Variants in ADGRL3 observed in about 807,000 individuals in gnomAD.
ADGRL3 encodes calcium-independent alpha-latrotoxin receptor 3.
Under a neutral mutation model 153.5 loss-of-function variants are expected in ADGRL3, and 62 were observed. The observed-to-expected ratio is 0.40, with a 90% confidence interval of 0.33 to 0.50. ADGRL3 has a LOEUF of 0.50. ADGRL3 is among the 20% of genes least tolerant of loss of function. The probability of loss-of-function intolerance (pLI) is 0.47; values close to 1 mark genes in which losing one functional copy is unlikely to be tolerated. For missense variants in ADGRL3, 1,641 were observed against 1,859.4 expected (o/e 0.88, Z 2.16); for synonymous variants, 710 against 672.5 (o/e 1.06, Z -0.86).
At chr4:61,603,232 C>G (rs537745288) in intron 5 of ADGRL3, among the ~76,000 whole-genome samples, 1 of 152,066 alleles carries the variant, frequency 6.6e-6, no homozygotes, top group East Asian at 1.9e-4. Context: ...GAGGCATTAC[C>G]AACACTCCAG....
chr4:61,289,014 T>C (rs2094059307), intron 1 of ADGRL3, among the ~76,000 whole-genome samples: 1 of 151,938 alleles, frequency 6.6e-6, no homozygotes, highest in South Asian at 2.1e-4. Flanking sequence ...ATACATATAT[T>C]TATATATACA....
intron 1 of ADGRL3, among the ~76,000 whole-genome samples, chr4:61,257,784 G>C (rs1249048743): frequency 6.6e-6 from 1 of 151,952 alleles, no homozygotes; most frequent in Non-Finnish European, 1.5e-5. Context: ...ACTTATTAAA[G>C]ATTATTTCAC....
At chr4:61,211,997 G>A (rs769734248) in intron 1 of ADGRL3, 1 of 152,132 alleles carries the variant, frequency 6.6e-6, no homozygotes, top group Non-Finnish European at 1.5e-5. Flanking sequence ...AATATAGACC[G>A]TCTAGGCATT....
At chr4:61,589,762 T>C (rs72614741) in intron 5 of ADGRL3, among the ~76,000 whole-genome samples, 5,589 of 152,116 alleles carry the variant, frequency 0.037, 245 homozygotes, top group East Asian at 0.25. Context: ...AGGAGAGATA[T>C]GAAATGTCAT....
chr4:61,748,800 GC>G (rs2096710187), intron 8 of ADGRL3, among the ~76,000 whole-genome samples: 1 of 151,814 alleles, frequency 6.6e-6, no homozygotes, highest in South Asian at 2.1e-4. Flanking sequence ...ATAGGCATGG[GC>G]AAGGACTTCA....
At chr4:61,686,414 T>G in intron 6 of ADGRL3, among the ~76,000 whole-genome samples, 1 of 152,142 alleles carries the variant, frequency 6.6e-6, no homozygotes, top group East Asian at 1.9e-4. Flanking sequence ...GATTTTCTTC[T>G]ACTCCAATCA....
intron 5 of ADGRL3, among the ~76,000 whole-genome samples, chr4:61,668,300 A>G (rs1222698099): frequency 6.6e-6 from 1 of 152,192 alleles, no homozygotes; most frequent in African/African-American, 2.4e-5. Context: ...AAAAGGAAAG[A>G]AACAGATTTT....
At chr4:61,579,738 A>G (rs1179888766) in intron 4 of ADGRL3, 1 of 338,916 alleles carries the variant, frequency 3.0e-6, no homozygotes, top group African/African-American at 2.2e-5. Context: ...TGACCTCAGA[A>G]CATAGTTGTC....
chr4:62,044,617 C>T lies in ADGRL3; in HGVS notation c.3814+68C>T, dbSNP rs1730123152. 19 of 1,059,550 alleles carry T rather than the reference C, an allele frequency of 1.8e-5. No homozygotes were observed. In the South Asian group the frequency reaches 1.9e-4, roughly 11 times the overall value. 65.6% of individuals were successfully genotyped at this position (1,059,550 alleles called of 1,614,324 possible). The stretch of plus-strand genomic sequence containing the variant: ...CTTTAAGAAGTCCTTAAATTCATTG[C>T]TTTATTTGCAACTTCTGAACCTGTT... On this transcript the variant is annotated intron_variant, in intron 25 of 26. Coordinates refer to ENST00000683033, the MANE Select transcript of ADGRL3 (RefSeq NM_001387552.1).
intron 8 of ADGRL3, among the ~76,000 whole-genome samples, chr4:61,757,884 T>C (rs2096857173): frequency 6.6e-6 from 1 of 152,210 alleles, no homozygotes; most frequent in Admixed American, 6.5e-5. Flanking sequence ...ATGTACCCAG[T>C]AGTCATTCAG....
intron 25 of ADGRL3, among the ~76,000 whole-genome samples, chr4:62,060,542 T>C (rs1739506255): frequency 6.6e-6 from 1 of 152,082 alleles, no homozygotes; most frequent in South Asian, 2.1e-4. Context: ...TTAGAAATTA[T>C]TTGTATGAAA....
chr4:61,687,178 A>T (rs1468576814), intron 6 of ADGRL3, among the ~76,000 whole-genome samples: 2 of 152,004 alleles, frequency 1.3e-5, no homozygotes, highest in African/African-American at 4.8e-5. Flanking sequence ...AGTCAAATAA[A>T]TACTTATTAT....
rs778442249 is a variant in ADGRL3, at chr4:61,947,044, T to TA, written c.2551dup (p.Thr851AsnfsTer10). 6.2e-7 allele frequency: 1 copy of TA among 1,613,846 alleles called. No homozygotes were observed. Among genetic ancestry groups the TA allele is most frequent in the South Asian group, 1.1e-5 (1 of 91,082 alleles). On this transcript the variant is annotated frameshift_variant, in exon 16 of 27. Coordinates refer to ENST00000683033, the MANE Select transcript of ADGRL3 (RefSeq NM_001387552.1). LOFTEE classifies it high-confidence loss of function. ...CTGTTATTGTCAATTCCCCTGTTAT[T>TA]ACGGCAGCAATAAACAAAGAGTTCA...
intron 13 of ADGRL3, among the ~76,000 whole-genome samples, chr4:61,928,722 C>T (rs550644519): frequency 2.4e-4 from 37 of 152,178 alleles, no homozygotes; most frequent in Non-Finnish European, 4.1e-4. Context: ...ATCTTAACTT[C>T]GTCTCATTCA....
intron 1 of ADGRL3, among the ~76,000 whole-genome samples, chr4:61,310,891 T>C (rs1248328637): frequency 6.6e-6 from 1 of 151,964 alleles, no homozygotes; most frequent in Non-Finnish European, 1.5e-5. Flanking sequence ...TACAGAGAAG[T>C]TAGAAAGAGT....
intron 10 of ADGRL3, 103 bp from the exon 11 acceptor site, chr4:61,895,628 C>T: frequency 1.6e-6 from 1 of 606,378 alleles, no homozygotes; most frequent in Non-Finnish European, 2.9e-6. Context: ...AACATTATAT[C>T]AATTTAATTA....
chr4:61,395,304 T>C (rs1012348032), intron 2 of ADGRL3, among the ~76,000 whole-genome samples: 1 of 151,960 alleles, frequency 6.6e-6, no homozygotes, highest in Non-Finnish European at 1.5e-5. Flanking sequence ...TTGAAAAGAA[T>C]TGCTAATAGG....
rs527251944 is a variant in ADGRL3, at chr4:61,287,599, AG to A, written c.-240+85837del. ...TATGTAGCTTTCGGTCTGACAATCA[AG>A]GGCATAGAAATGTAAAATCTTTAAA... On this transcript the variant is annotated intron_variant, in intron 1 of 26. Coordinates refer to ENST00000683033, the MANE Select transcript of ADGRL3 (RefSeq NM_001387552.1). Among the ~76,000 whole-genome samples, 401 of 152,098 alleles carry A rather than the reference AG, an allele frequency of 2.6e-3. 3 individuals carry two copies. Among genetic ancestry groups the A allele is most frequent in the African/African-American group, 9.1e-3 (380 of 41,538 alleles).
chr4:61,446,643 G>T (rs887041163), intron 2 of ADGRL3, among the ~76,000 whole-genome samples: 4 of 152,150 alleles, frequency 2.6e-5, no homozygotes, highest in African/African-American at 9.7e-5. Flanking sequence ...TAATATGTTG[G>T]TTGATCATAT....
Sources: gnomAD v4.1 joint callset for allele counts (sites outside exome capture counted in the v4.1 genomes callset) on GRCh38, gnomAD v4.1.1 for gene constraint, MANE v1.5 for transcripts, NCBI Gene and HGNC (gene_info 2026-07-23, HGNC 2026-07-21) for gene names.